Variants in AGO1 observed in about 807,000 individuals in gnomAD.
AGO1 encodes protein argonaute-1.
AGO1 carries 11 observed loss-of-function variants against 109.2 expected under a neutral mutation model. The observed-to-expected ratio is 0.10, with a 90% confidence interval of 0.06 to 0.17. The LOEUF is 0.17. AGO1 is among the 10% of genes least tolerant of loss of function. The pLI is 1.00. For missense variants in AGO1, 574 were observed against 1,140.3 expected, an observed-to-expected ratio of 0.50 and a Z score of 7.15; for synonymous variants, 422 against 418.6, an observed-to-expected ratio of 1.01 and a Z score of -0.10.
At chr1:35,906,801 T>C in intron 11 of AGO1, 134 bp from the exon 12 acceptor site, 1 of 706,724 alleles carries the variant, frequency 1.4e-6, no homozygotes, top group Non-Finnish European at 2.3e-6. Context: ...GAGCACCCTG[T>C]CTCAAGGAAA....
Position 35,894,146 on chromosome 1 carries a change from C to G in AGO1, c.759C>G (p.Arg253=), listed in dbSNP as rs747113992. ...EQPKPLTDSQ[R]VRFTKEIKGL... Reference sequence around the variant, plus strand: ...CCAAGCCCCTCACGGACTCTCAGCGCGTTCGCTTCACCAAGGAGATCAAGG... The same window carrying G: ...CCAAGCCCCTCACGGACTCTCAGCGGGTTCGCTTCACCAAGGAGATCAAGG... The change falls in exon 6 of 19, where the codon CGC becomes CGG. Residue 253 remains arginine, a synonymous_variant. Coordinates refer to ENST00000373204, the MANE Select transcript of AGO1 (RefSeq NM_012199.5). The G allele has an allele frequency of 6.3e-7, 1 of 1,578,492 alleles. No homozygotes were observed. The highest frequency in any genetic ancestry group is 8.6e-7 in the Non-Finnish European group (1 of 1,162,722).
rs1296692574 is a variant in AGO1, at chr1:35,915,493, C to A, written c.1979C>A (p.Thr660Asn). ...QFYKSTRFKPTRIIFYRDGVP... is the reference protein window; with the variant it reads ...QFYKSTRFKPNRIIFYRDGVP... ...TACAAGTCCACCCGTTTCAAGCCTA[C>A]CCGCATCATCTTCTACCGAGATGGG... The change falls in exon 15 of 19, where the codon ACC (threonine) becomes AAC (asparagine). Residue 660 changes from threonine to asparagine, a missense_variant. Thr to Asn is a moderately conservative substitution (Grantham distance 65). Transcript: ENST00000373204. 6.2e-7 allele frequency: 1 copy of A among 1,614,148 alleles called. No individual in the cohort carries two copies. The highest frequency in any genetic ancestry group is 8.5e-7 in the Non-Finnish European group (1 of 1,180,032).
chr1:35,888,654 C>T lies in AGO1; in HGVS notation c.209+44C>T. 6.2e-7 allele frequency: 1 copy of T among 1,601,892 alleles called. No individual in the cohort carries two copies. The highest frequency in any genetic ancestry group is 8.5e-7 in the Non-Finnish European group (1 of 1,171,546). On this transcript the variant is annotated intron_variant, in intron 2 of 18. Transcript: ENST00000373204. The surrounding 1 kb of genome is among the most constrained non-coding windows in gnomAD (Gnocchi z 4.1). ...AGCCACCAAATCTGAAAGACACCAA[C>T]CTTGAAAGAGGGGCCAGAAAGGTAA...
chr1:35,918,482 G>A, intron 17 of AGO1, 59 bp downstream of exon 17: 1 of 1,285,220 alleles, frequency 7.8e-7, no homozygotes, highest in East Asian at 2.3e-5. Flanking sequence ...CATTCATATT[G>A]CCTCTAGAAT....
At position 35,883,222 on chromosome 1, in the gene AGO1, C is replaced by CG; in HGVS notation, c.-197dup. On this transcript the variant is annotated 5_prime_UTR_variant, in exon 1 of 19. Coordinates refer to ENST00000373204, the MANE Select transcript of AGO1 (RefSeq NM_012199.5). This position sits in a 1 kb window ranked among gnomAD's most constrained non-coding sequence, Gnocchi z 5.4. ...TCGCGCCTGCGCACTGGCAGCTGGC[C>CG]GGGCGCTCGCAGTGGGAGCTGCTGC... 8.2e-7 allele frequency: 1 copy of CG among 1,220,764 alleles called. No individual in the cohort carries two copies. The highest frequency in any genetic ancestry group is 3.7e-5 in the East Asian group (1 of 27,226). The allele number at this position is 1,220,764 out of a possible 1,614,324, so 75.6% of individuals were successfully genotyped here. A position where few individuals can be genotyped will look rare whatever the true frequency, so the allele number is the denominator to read the frequency against.
intron 1 of AGO1, among the ~76,000 whole-genome samples, chr1:35,884,358 A>G (rs1645086008): frequency 6.6e-6 from 1 of 152,096 alleles, no homozygotes; most frequent in Non-Finnish European, 1.5e-5. Context: ...GGTATTGGTT[A>G]CGGAGGAATC....
rs1379420920 is a variant in AGO1 at position 35,901,032 on chromosome 1, C to T, written c.1021-442C>T. ...GGTCTCACTCTGTCACCCAGGCTGG[C>T]GTTCAGTGGCGTGATCTGGGCTCAC... On this transcript the variant is annotated intron_variant, in intron 8 of 18. Coordinates refer to ENST00000373204, the MANE Select transcript of AGO1 (RefSeq NM_012199.5). The surrounding 1 kb of genome is among the most constrained non-coding windows in gnomAD (Gnocchi z 4.8). Among the ~76,000 whole-genome samples, 1 of 148,690 alleles carries T rather than the reference C, an allele frequency of 6.7e-6. No individual in the cohort carries two copies. The highest frequency in any genetic ancestry group is 1.5e-5 in the Non-Finnish European group (1 of 67,502).
At chr1:35,880,804 C>T (rs544106984), upstream of AGO1, among the ~76,000 whole-genome samples, 80 of 151,998 alleles carry the variant, frequency 5.3e-4, no homozygotes, top group Non-Finnish European at 8.8e-4. Flanking sequence ...GGACTACAGG[C>T]GTGTGCCATT....
chr1:35,920,153 A>G lies in AGO1; in HGVS notation c.*546A>G, dbSNP rs16822444. On this transcript the variant is annotated 3_prime_UTR_variant, in exon 19 of 19. Transcript: ENST00000373204. Reference sequence around the variant, plus strand: ...ATATTTTAGGATACTAGATGTTTTAATGGGTTCAGAATCCAGTTTGTAGGA... The same window carrying G: ...ATATTTTAGGATACTAGATGTTTTAGTGGGTTCAGAATCCAGTTTGTAGGA... The G allele has an allele frequency of 3.3e-3, 498 of 152,750 alleles. 1 individual carries two copies. Among genetic ancestry groups the G allele is most frequent in the Non-Finnish European group, 4.8e-3 (328 of 68,218 alleles). 9.5% of individuals were successfully genotyped at this position (152,750 alleles called of 1,614,324 possible). A position where few individuals can be genotyped will look rare whatever the true frequency, so the allele number is the denominator to read the frequency against.
intron 1 of AGO1, among the ~76,000 whole-genome samples, chr1:35,871,121 A>G (rs76379471): frequency 0.04 from 6,071 of 152,282 alleles, 411 homozygotes; most frequent in African/African-American, 0.14. Context: ...CACGTCTTCA[A>G]CTTTACCAAA....
intron 1 of AGO1, among the ~76,000 whole-genome samples, chr1:35,876,352 C>T (rs543845689): frequency 2.6e-5 from 4 of 151,908 alleles, no homozygotes; most frequent in South Asian, 2.1e-4. Flanking sequence ...CTGCAAGCTC[C>T]GCCTACTGGG....
In AGO1 at chr1:35,893,013, A is replaced by G; in HGVS notation, c.331-84A>G. The G allele has an allele frequency of 8.2e-6, 11 of 1,349,582 alleles. No homozygotes were observed. Among genetic ancestry groups the G allele is most frequent in the East Asian group, 7.4e-5 (3 of 40,634 alleles). The allele number at this position is 1,349,582 out of a possible 1,614,324, so 83.6% of individuals were successfully genotyped here. ...ATGAGCCCCTATCAACTTGAAAAAC[A>G]TGTTCTCAGCAAATCCATGGAGTTG... On this transcript the variant is annotated intron_variant, in intron 3 of 18. Coordinates refer to ENST00000373204, the MANE Select transcript of AGO1 (RefSeq NM_012199.5). This position sits in a 1 kb window ranked among gnomAD's most constrained non-coding sequence, Gnocchi z 5.6.
At chr1:35,916,915 T>G (rs925084767) in intron 15 of AGO1, among the ~76,000 whole-genome samples, 1 of 152,194 alleles carries the variant, frequency 6.6e-6, no homozygotes, top group African/African-American at 2.4e-5. Context: ...GTGGAGAAAA[T>G]GAGACTTAGT....
Position 35,924,634 on chromosome 1 carries a change from G to A in AGO1, c.*5027G>A, listed in dbSNP as rs1645893459. 6.6e-6 allele frequency: 1 copy of A among 152,330 alleles called. No homozygotes were observed. Among genetic ancestry groups the A allele is most frequent in the Middle Eastern group, 3.4e-3 (1 of 294 alleles). 9.4% of individuals were successfully genotyped at this position (152,330 alleles called of 1,614,324 possible). ...ACAACAACGAATATAGGGAGGAAGG[G>A]ACAGATTTGAGAGACGAGGTAGAAT... On this transcript the variant is annotated 3_prime_UTR_variant, in exon 19 of 19. Transcript: ENST00000373204.
At chr1:35,912,804 C>T (rs1645661682) in intron 12 of AGO1, among the ~76,000 whole-genome samples, 1 of 152,114 alleles carries the variant, frequency 6.6e-6, no homozygotes, top group African/African-American at 2.4e-5. Context: ...GAACTCCTGA[C>T]CTCGTGATCC....
At chr1:35,914,374 T>C (rs749587815) in intron 14 of AGO1, 100 bp downstream of exon 14, 9 of 914,406 alleles carry the variant, frequency 9.8e-6, no homozygotes, top group Non-Finnish European at 1.6e-5. Context: ...CTCTTGAGCC[T>C]TCATAAGATG....
intron 12 of AGO1, among the ~76,000 whole-genome samples, chr1:35,911,528 C>G (rs1319844443): frequency 6.6e-6 from 1 of 152,060 alleles, no homozygotes; most frequent in East Asian, 1.9e-4. Context: ...AATTTTACCC[C>G]CTCTAGTTCT....
chr1:35,883,269 G>A lies in AGO1; in HGVS notation c.-153G>A. ...CTGCAGGCTCCGCGGCGGCGGCAAC[G>A]GAGGCTGCGGGGGCGGCGGCGCGAG... On this transcript the variant is annotated 5_prime_UTR_variant, in exon 1 of 19. Coordinates refer to ENST00000373204, the MANE Select transcript of AGO1 (RefSeq NM_012199.5). The surrounding 1 kb of genome is among the most constrained non-coding windows in gnomAD (Gnocchi z 5.4). 5 of 1,375,862 alleles carry A rather than the reference G, an allele frequency of 3.6e-6. No individual in the cohort carries two copies. Among genetic ancestry groups the A allele is most frequent in the Non-Finnish European group, 4.7e-6 (5 of 1,063,794 alleles). The allele number at this position is 1,375,862 out of a possible 1,614,324, so 85.2% of individuals were successfully genotyped here.
At chr1:35,875,562 T>C (rs1158202321) in intron 1 of AGO1, among the ~76,000 whole-genome samples, 2 of 152,106 alleles carry the variant, frequency 1.3e-5, no homozygotes, top group African/African-American at 2.4e-5. Context: ...TAAAGGTGCA[T>C]GCCATCATGC....
Sources: gnomAD v4.1 joint callset for allele counts (sites outside exome capture counted in the v4.1 genomes callset) on GRCh38, gnomAD v4.1.1 for gene constraint, Gnocchi (gnomAD v3.1) non-coding constraint, MANE v1.5 for transcripts, NCBI Gene and HGNC (gene_info 2026-07-23, HGNC 2026-07-21) for gene names.